ABCG2: variants seen among roughly 807,000 people sequenced by gnomAD.
The protein encoded by ABCG2 is broad substrate specificity ATP-binding cassette transporter ABCG2.
In ABCG2, 80 loss-of-function variants were observed where a neutral mutation model predicts 73.5. The ratio of observed to expected loss-of-function variants is 1.09; its 90% CI spans 0.91 to 1.31. The LOEUF (loss-of-function observed/expected upper bound fraction) is 1.31. Ranked by LOEUF, ABCG2 falls within the 50% of genes most tolerant of loss-of-function variation. The pLI is 0.00. For missense variants in ABCG2, 796 were observed against 786.2 expected, an observed-to-expected ratio of 1.01 and a Z score of -0.15; for synonymous variants, 269 against 282.4, an observed-to-expected ratio of 0.95 and a Z score of 0.48.
At chr4:88,215,347 T>A (rs1455847096) in intron 1 of ABCG2, among the ~76,000 whole-genome samples, 1 of 152,188 alleles carries the variant, frequency 6.6e-6, no homozygotes, top group Non-Finnish European at 1.5e-5. Context: ...TTGGAGTTAA[T>A]GAGGTTGAAA....
intron 9 of ABCG2, among the ~76,000 whole-genome samples, chr4:88,107,902 C>T (rs890244952): frequency 4.6e-5 from 7 of 152,164 alleles, no homozygotes; most frequent in Non-Finnish European, 5.9e-5. Context: ...TCACTGTCAC[C>T]AAAGCATTTG....
intron 1 of ABCG2, among the ~76,000 whole-genome samples, chr4:88,225,550 G>C (rs1380691434): frequency 1.3e-5 from 2 of 152,154 alleles, no homozygotes; most frequent in African/African-American, 4.8e-5. Flanking sequence ...AGCTATCAAG[G>C]ACCTACTATG....
intron 1 of ABCG2, among the ~76,000 whole-genome samples, chr4:88,176,336 A>T (rs772375255): frequency 4.6e-5 from 7 of 151,824 alleles, no homozygotes; most frequent in Non-Finnish European, 1.0e-4. Flanking sequence ...ATTTACTGAT[A>T]TCATTTCCTC....
intron 5 of ABCG2, among the ~76,000 whole-genome samples, chr4:88,125,339 T>G (rs1724318242): frequency 6.8e-6 from 1 of 147,164 alleles, no homozygotes; most frequent in Non-Finnish European, 1.5e-5. Context: ...CTGGGCGTGG[T>G]GGCTCATGCC....
chr4:88,225,486 C>G (rs1258159319), intron 1 of ABCG2, among the ~76,000 whole-genome samples: 6 of 152,128 alleles, frequency 3.9e-5, no homozygotes, highest in Non-Finnish European at 8.8e-5. Context: ...GATCACAGAG[C>G]CTTGGAGACC....
At chr4:88,095,014 C>A (rs550478395) in intron 14 of ABCG2, among the ~76,000 whole-genome samples, 1 of 152,270 alleles carries the variant, frequency 6.6e-6, no homozygotes, top group Non-Finnish European at 1.5e-5. Flanking sequence ...TTTACAGTGA[C>A]AATCTTTCGT....
At chr4:88,168,846 G>A (rs1727641680) in intron 1 of ABCG2, among the ~76,000 whole-genome samples, 1 of 149,508 alleles carries the variant, frequency 6.7e-6, no homozygotes, top group African/African-American at 2.5e-5. Flanking sequence ...GAACACACCT[G>A]TATACCTGTC....
At chr4:88,145,816 T>G (rs1725954101) in intron 1 of ABCG2, among the ~76,000 whole-genome samples, 1 of 139,416 alleles carries the variant, frequency 7.2e-6, no homozygotes, top group South Asian at 2.5e-4. Context: ...GGTGTGCATT[T>G]TTGATCCCAG....
intron 1 of ABCG2, among the ~76,000 whole-genome samples, chr4:88,190,613 G>A (rs1347421634): frequency 6.6e-6 from 1 of 152,192 alleles, no homozygotes; most frequent in Non-Finnish European, 1.5e-5. Context: ...TTACTAAGTA[G>A]AGGATTTAGG....
chr4:88,136,607 G>A (rs1725259708), intron 2 of ABCG2, among the ~76,000 whole-genome samples: 1 of 152,232 alleles, frequency 6.6e-6, no homozygotes, highest in Non-Finnish European at 1.5e-5. Context: ...TCAGGAGGCT[G>A]AGGTGATAGG....
At chr4:88,152,281 C>G (rs1726546601) in intron 1 of ABCG2, among the ~76,000 whole-genome samples, 1 of 152,162 alleles carries the variant, frequency 6.6e-6, no homozygotes, top group Non-Finnish European at 1.5e-5. Context: ...TTGGCAAATA[C>G]AGTCAGGTCC....
chr4:88,160,563 A>G (rs998357726), upstream of ABCG2, among the ~76,000 whole-genome samples: 37 of 152,172 alleles, frequency 2.4e-4, no homozygotes, highest in African/African-American at 8.7e-4. Context: ...AACCCTATAC[A>G]TAGAGGCCAG....
At chr4:88,147,208 T>C (rs1200741341) in intron 1 of ABCG2, among the ~76,000 whole-genome samples, 1 of 152,218 alleles carries the variant, frequency 6.6e-6, no homozygotes, top group East Asian at 1.9e-4. Flanking sequence ...GGCACTATTG[T>C]GCCTGAAATT....
intron 1 of ABCG2, among the ~76,000 whole-genome samples, chr4:88,222,367 C>T (rs561543850): frequency 2.0e-5 from 3 of 152,200 alleles, no homozygotes; most frequent in African/African-American, 7.2e-5. Flanking sequence ...CAAATCTCAT[C>T]TTGAATTCCC....
At chr4:88,111,663 T>C (rs1173310813) in intron 9 of ABCG2, among the ~76,000 whole-genome samples, 5 of 152,188 alleles carry the variant, frequency 3.3e-5, no homozygotes, top group Non-Finnish European at 7.3e-5. Context: ...CAATGTGCCA[T>C]CTTTTAGTAC....
At chr4:88,164,520 C>T (rs1015293146) in intron 1 of ABCG2, among the ~76,000 whole-genome samples, 32 of 152,092 alleles carry the variant, frequency 2.1e-4, no homozygotes, top group South Asian at 6.2e-4. Context: ...CCCTTTTGCT[C>T]GGCACTTCTC....
chr4:88,198,160 C>A (rs922903006), intron 1 of ABCG2, among the ~76,000 whole-genome samples: 1 of 151,566 alleles, frequency 6.6e-6, no homozygotes, highest in Non-Finnish European at 1.5e-5. Flanking sequence ...GGTGAAACCC[C>A]GTCTCTACTA....
At chr4:88,180,657 T>TG (rs916443574) in intron 1 of ABCG2, among the ~76,000 whole-genome samples, 1 of 151,884 alleles carries the variant, frequency 6.6e-6, no homozygotes, top group African/African-American at 2.4e-5. Context: ...GAGGCTGAGG[T>TG]GGGGGGGCTC....
intron 10 of ABCG2, among the ~76,000 whole-genome samples, 166 bp from the exon 11 acceptor site, chr4:88,101,485 C>T (rs1053858653): frequency 6.6e-6 from 1 of 152,186 alleles, no homozygotes; most frequent in Admixed American, 6.5e-5. Context: ...TCAAGCCTCT[C>T]CCCATCTCTT....
Sources: allele counts gnomAD v4.1 joint callset (sites outside exome capture counted in the v4.1 genomes callset), GRCh38; gene constraint gnomAD v4.1.1; transcripts MANE v1.5; gene names NCBI Gene and HGNC (gene_info 2026-07-23, HGNC 2026-07-21).